The following ARHGEF28 variants were observed in gnomAD, a reference collection of about 807,000 sequenced individuals.
ARHGEF28 encodes the protein 190 kDa guanine nucleotide exchange factor.
In ARHGEF28, 152 loss-of-function variants were observed where a neutral mutation model predicts 206.6. The ratio of observed to expected loss-of-function variants is 0.74; its 90% CI spans 0.64 to 0.84. The LOEUF is 0.84. Among genes scored for constraint, ARHGEF28 ranks in the 40% least tolerant of loss-of-function variants. The pLI, the probability that ARHGEF28 is intolerant of heterozygous loss-of-function variation, is 0.00. For synonymous variants in ARHGEF28, 763 were observed against 776.4 expected, an observed-to-expected ratio of 0.98 and a Z score of 0.29; for missense variants, 2,028 against 2,073.2, an observed-to-expected ratio of 0.98 and a Z score of 0.42.
intron 2 of ARHGEF28, among the ~76,000 whole-genome samples, chr5:73,720,097 A>C (rs577488441): frequency 9.2e-5 from 14 of 152,384 alleles, no homozygotes; most frequent in African/African-American, 3.1e-4. Context: ...CAAATGAGTT[A>C]ATGTATATTA....
chr5:73,926,250 T>A (rs1763799994), intron 35 of ARHGEF28, among the ~76,000 whole-genome samples: 1 of 152,238 alleles, frequency 6.6e-6, no homozygotes, highest in Non-Finnish European at 1.5e-5. Context: ...ATGGAAATTT[T>A]ATTGGCTAAA....
chr5:73,810,258 T>C (rs1335942682), intron 9 of ARHGEF28, among the ~76,000 whole-genome samples: 3 of 152,246 alleles, frequency 2.0e-5, no homozygotes, highest in Non-Finnish European at 4.4e-5. Context: ...GTCTCTTCTT[T>C]TGATATCTGA....
chr5:73,885,463 T>C (rs1409124303), intron 24 of ARHGEF28, among the ~76,000 whole-genome samples: 19 of 151,292 alleles, frequency 1.3e-4, no homozygotes, highest in African/African-American at 3.9e-4. Flanking sequence ...AGAGTGGTAT[T>C]ATAGGATTTA....
intron 2 of ARHGEF28, among the ~76,000 whole-genome samples, chr5:73,693,887 G>A (rs1343724821): frequency 2.3e-5 from 2 of 85,276 alleles, no homozygotes; most frequent in African/African-American, 9.9e-5. Flanking sequence ...TTCCTTCTGA[G>A]GGGGCAAACA....
chr5:73,893,484 T>G (rs1014993942), intron 28 of ARHGEF28, 196 bp downstream of exon 28: 21 of 425,424 alleles, frequency 4.9e-5, no homozygotes, highest in Admixed American at 8.7e-5. Flanking sequence ...ACCTTAGTGA[T>G]TAAAATGGAT....
intron 2 of ARHGEF28, among the ~76,000 whole-genome samples, chr5:73,685,989 C>T (rs1332816243): frequency 6.6e-6 from 1 of 152,206 alleles, no homozygotes; most frequent in East Asian, 1.9e-4. Flanking sequence ...CCACACTTCA[C>T]TACCCAGCCA....
At chr5:73,777,798 C>T (rs1046011474) in intron 6 of ARHGEF28, among the ~76,000 whole-genome samples, 2 of 152,040 alleles carry the variant, frequency 1.3e-5, no homozygotes, top group Admixed American at 6.5e-5. Flanking sequence ...GCTGGCTGGG[C>T]GTGGTGGCTC....
chr5:73,664,522 T>C (rs976024004), intron 1 of ARHGEF28, among the ~76,000 whole-genome samples: 3 of 152,172 alleles, frequency 2.0e-5, no homozygotes, highest in Admixed American at 6.5e-5. Context: ...TAATAGTAGG[T>C]ATAATATATG....
intron 1 of ARHGEF28, among the ~76,000 whole-genome samples, chr5:73,676,650 A>G (rs1373195832): frequency 6.6e-6 from 1 of 152,206 alleles, no homozygotes; most frequent in African/African-American, 2.4e-5. Context: ...TTTAATATGG[A>G]CACTGTTATC....
intron 22 of ARHGEF28, among the ~76,000 whole-genome samples, chr5:73,878,756 AGT>A (rs1760707977): frequency 6.7e-6 from 1 of 149,378 alleles, no homozygotes; most frequent in African/African-American, 2.5e-5. Context: ...ATTGGCCCCC[AGT>A]CTCTTCTGGC....
intron 9 of ARHGEF28, among the ~76,000 whole-genome samples, chr5:73,801,835 A>G (rs972791399): frequency 7.2e-5 from 11 of 152,144 alleles, no homozygotes. Context: ...TCCCAAGAAG[A>G]CCACTGGGAA....
In ARHGEF28 at chr5:73,780,765, A is replaced by G. The variant is rs1014754039; in HGVS notation, c.910+20A>G. The G allele has an allele frequency of 1.3e-6, 2 of 1,552,106 alleles. No homozygotes were observed. ...AAGAAGGTACGCATGCTCCTTTCCC[A>G]CTTATGGCAGCCACAGAGTGCTCTG... is the stretch of plus-strand genomic sequence containing the variant. On this transcript the variant is annotated intron_variant, in intron 7 of 35. Transcript: ENST00000513042.
Position 73,887,612 on chromosome 5 carries a change from C to G in ARHGEF28, c.3320C>G (p.Ala1107Gly). The change falls in exon 26 of 36, where the codon GCT becomes GGT. Residue 1107 changes from alanine to glycine, a missense_variant. Ala to Gly is a moderately conservative substitution (Grantham distance 60). This residue lies in a region of ARHGEF28 where 803 missense variants were observed against 768.0 expected (regional missense o/e 1.05). Coordinates refer to ENST00000513042, the MANE Select transcript of ARHGEF28 (RefSeq NM_001177693.2). The part of the protein sequence containing the change: ...TATGRFKDIL[A>G]LLLTDVLLFL... ...TGTTTTTTCTTTAAAGATATCCTAGCTCTACTTCTAACTGATGTGCTGCTC... is the reference window on the plus strand; with the variant it reads ...TGTTTTTTCTTTAAAGATATCCTAGGTCTACTTCTAACTGATGTGCTGCTC... 6 of 1,565,108 alleles carry G rather than the reference C, an allele frequency of 3.8e-6. No homozygotes were observed. Among genetic ancestry groups the G allele is most frequent in the Non-Finnish European group, 5.2e-6 (6 of 1,153,934 alleles).
At chr5:73,893,032 C>G (rs1321588614) in intron 27 of ARHGEF28, among the ~76,000 whole-genome samples, 165 bp from the exon 28 acceptor site, 2 of 151,998 alleles carry the variant, frequency 1.3e-5, no homozygotes, top group Non-Finnish European at 2.9e-5. Context: ...TCTTTGTATT[C>G]TCAAGAAAAC....
chr5:73,725,365 A>G (rs975349038), intron 2 of ARHGEF28, among the ~76,000 whole-genome samples: 1 of 152,234 alleles, frequency 6.6e-6, no homozygotes, highest in Non-Finnish European at 1.5e-5. Flanking sequence ...GTTAAAACTA[A>G]TATGGCCAAT....
chr5:73,804,626 C>T (rs1320351209), intron 9 of ARHGEF28, among the ~76,000 whole-genome samples: 2 of 152,052 alleles, frequency 1.3e-5, no homozygotes, highest in African/African-American at 4.8e-5. Context: ...ATTCCAGGAT[C>T]CCATTAGGAT....
intron 35 of ARHGEF28, 77 bp from the exon 36 acceptor site, chr5:73,940,767 G>A: frequency 2.4e-6 from 3 of 1,259,494 alleles, no homozygotes; most frequent in South Asian, 2.5e-5. Flanking sequence ...CCTAATCTTA[G>A]AGAGCTCTAA....
intron 2 of ARHGEF28, among the ~76,000 whole-genome samples, chr5:73,714,485 G>A (rs757267300): frequency 3.3e-5 from 5 of 152,146 alleles, no homozygotes; most frequent in Non-Finnish European, 7.3e-5. Context: ...ATCCTCAGAA[G>A]AGAATGCCCA....
intron 1 of ARHGEF28, among the ~76,000 whole-genome samples, chr5:73,674,080 AG>A (rs1382192320): frequency 6.6e-6 from 1 of 150,936 alleles, no homozygotes; most frequent in Non-Finnish European, 1.5e-5. Context: ...CTGAGGTGGG[AG>A]GATCACTTGA....
Sources: allele counts gnomAD v4.1 joint callset (sites outside exome capture counted in the v4.1 genomes callset), GRCh38; gene constraint gnomAD v4.1.1; regional missense constraint gnomAD v4.1.1; transcripts MANE v1.5; gene names NCBI Gene and HGNC (gene_info 2026-07-23, HGNC 2026-07-21).